LHX6: variants seen among roughly 807,000 people sequenced by gnomAD.
LHX6 encodes LIM homeobox 6, also known as LIM/homeobox protein Lhx6.
A neutral mutation model predicts 47.1 loss-of-function variants in LHX6; 15 were observed. The observed-to-expected ratio is 0.32, with a 90% confidence interval of 0.21 to 0.49. The LOEUF is 0.49. Ranked by LOEUF, LHX6 falls within the 20% of genes least tolerant of loss-of-function variation. LHX6 has a pLI of 0.99. For missense variants in LHX6, 404 were observed against 539.6 expected, an observed-to-expected ratio of 0.75 and a Z score of 2.49; for synonymous variants, 242 against 233.5, an observed-to-expected ratio of 1.04 and a Z score of -0.33.
At chr9:122,212,779 ACCATCTC>A (rs1189736135) in intron 8 of LHX6, among the ~76,000 whole-genome samples, 1 of 151,824 alleles carries the variant, frequency 6.6e-6, no homozygotes, top group East Asian at 1.9e-4. Context: ...TATCATCTCC[ACCATCTC>A]CCATGCTGGA....
rs1421147863 is a variant in LHX6, at chr9:122,213,229, A to G, written c.1054+377T>C. 6.6e-6 allele frequency among the ~76,000 whole-genome samples: 1 copy of G among 151,978 alleles called. No individual in the cohort carries two copies. ...ACCCAGCACCTTTCCTACAGGAATC[A>G]TCCCACTTAAAACGACACACTCATC... On this transcript the variant is annotated intron_variant, in intron 8 of 9. Transcript: ENST00000394319. The surrounding 1 kb of genome is among the most constrained non-coding windows in gnomAD (Gnocchi z 5.5).
rs1416999495 is a variant in LHX6, at chr9:122,226,062, G to C, written c.461+314C>G. Among the ~76,000 whole-genome samples, 5 of 152,176 alleles carry C rather than the reference G, an allele frequency of 3.3e-5. No individual in the cohort carries two copies. The highest frequency in any genetic ancestry group is 7.3e-5 in the Non-Finnish European group (5 of 68,036). On this transcript the variant is annotated intron_variant, in intron 4 of 9. Coordinates refer to ENST00000394319, the MANE Select transcript of LHX6 (RefSeq NM_014368.5). The surrounding 1 kb of genome is among the most constrained non-coding windows in gnomAD (Gnocchi z 6.5). ...GAAATGGGGACCTCAGAGCTCCACC[G>C]AGGCGCTCGAGGTCAGAACTGAAGC... is the stretch of plus-strand genomic sequence containing the variant.
chr9:122,208,677 C>CA (rs1223662944), intron 9 of LHX6, among the ~76,000 whole-genome samples: 1 of 151,490 alleles, frequency 6.6e-6, no homozygotes, highest in African/African-American at 2.4e-5. Context: ...ACTAAAAATA[C>CA]AAAAAAATTA....
chr9:122,214,135 G>A lies in LHX6; in HGVS notation c.784-66C>T. On this transcript the variant is annotated intron_variant, in intron 6 of 9. Coordinates refer to ENST00000394319, the MANE Select transcript of LHX6 (RefSeq NM_014368.5). The surrounding 1 kb of genome is among the most constrained non-coding windows in gnomAD (Gnocchi z 4.6). ...ACTCCGAGACCCCGGCCCAATCAGC[G>A]GCGCCAGTCCACAGGCCACGCCCCA... 2 of 1,494,782 alleles carry A rather than the reference G, an allele frequency of 1.3e-6. No individual in the cohort carries two copies. Among genetic ancestry groups the A allele is most frequent in the Non-Finnish European group, 1.8e-6 (2 of 1,104,348 alleles). The allele number at this position is 1,494,782 out of a possible 1,614,324, so 92.6% of individuals were successfully genotyped here.
intron 9 of LHX6, among the ~76,000 whole-genome samples, chr9:122,209,328 G>C (rs1830310246): frequency 1.3e-5 from 2 of 152,212 alleles, no homozygotes; most frequent in African/African-American, 4.8e-5. Flanking sequence ...AGCCCTCCCT[G>C]GAACTTAAAG....
Position 122,213,890 on chromosome 9 carries a change from G to A in LHX6, c.879+84C>T, listed in dbSNP as rs748557824. ...GCCTCCTGGAGAAGGATGGCCACGT[G>A]CACGCACCACCCTCCGCGCCGAGCC... On this transcript the variant is annotated intron_variant, in intron 7 of 9. Transcript: ENST00000394319. This position sits in a 1 kb window ranked among gnomAD's most constrained non-coding sequence, Gnocchi z 5.5. 16 of 1,515,718 alleles carry A rather than the reference G, an allele frequency of 1.1e-5. No homozygotes were observed. Among genetic ancestry groups the A allele is most frequent in the East Asian group, 4.7e-5 (2 of 42,474 alleles). 93.9% of individuals were successfully genotyped at this position (1,515,718 alleles called of 1,614,324 possible). A position where few individuals can be genotyped will look rare whatever the true frequency, so the allele number is the denominator to read the frequency against.
At chr9:122,225,754 T>C (rs1378870636) in intron 4 of LHX6, among the ~76,000 whole-genome samples, 1 of 152,034 alleles carries the variant, frequency 6.6e-6, no homozygotes, top group Non-Finnish European at 1.5e-5. Context: ...CGCCGGGGAA[T>C]GAGTTGAGAT....
intron 4 of LHX6, among the ~76,000 whole-genome samples, chr9:122,218,233 G>T (rs116540710): frequency 2.0e-5 from 3 of 152,064 alleles, no homozygotes; most frequent in African/African-American, 7.2e-5. Context: ...GCCTGATCCC[G>T]GGCACCAGGG....
At chr9:122,227,122 TTGA>T in intron 2 of LHX6, 92 bp from the exon 3 acceptor site, 1 of 1,213,494 alleles carries the variant, frequency 8.2e-7, no homozygotes. Context: ...CGAGCACCAA[TTGA>T]CAACGAAATC....
intron 5 of LHX6, among the ~76,000 whole-genome samples, chr9:122,215,973 G>A (rs561063782): frequency 1.3e-5 from 2 of 152,318 alleles, no homozygotes; most frequent in South Asian, 2.1e-4. Context: ...AACTAAAACA[G>A]AGGCAGCTAC....
At chr9:122,225,260 G>A (rs1831044356) in intron 4 of LHX6, among the ~76,000 whole-genome samples, 2 of 152,258 alleles carry the variant, frequency 1.3e-5, no homozygotes, top group South Asian at 2.1e-4. Context: ...TAGGGAAGCA[G>A]CTTTCTCCAC....
At position 122,204,760 on chromosome 9, in the gene LHX6, T is replaced by A; in HGVS notation, c.1179A>T (p.Ter393TyrextTer58). Residue 393 changes from the stop codon to tyrosine, a stop_lost, in exon 10 of 10, where the codon TAA becomes TAT. Coordinates refer to ENST00000394319, the MANE Select transcript of LHX6 (RefSeq NM_014368.5). ...RGEKVILFQY[*>Y] ...GGCAGATGCGGAAGTGCCGGCAGCG[T>A]TAGTACTGAAAAAGGATGACCTGCA... The A allele has an allele frequency of 6.3e-7, 1 of 1,595,592 alleles. No individual in the cohort carries two copies. Among genetic ancestry groups the A allele is most frequent in the Non-Finnish European group, 8.5e-7 (1 of 1,171,048 alleles).
At chr9:122,205,358 C>A (rs1009403320) in intron 9 of LHX6, among the ~76,000 whole-genome samples, 1 of 152,240 alleles carries the variant, frequency 6.6e-6, no homozygotes, top group African/African-American at 2.4e-5. Flanking sequence ...TTAATCTTCA[C>A]ATGCACGAAG....
At chr9:122,224,443 G>C (rs1240605727) in intron 4 of LHX6, among the ~76,000 whole-genome samples, 1 of 152,058 alleles carries the variant, frequency 6.6e-6, no homozygotes, top group Non-Finnish European at 1.5e-5. Flanking sequence ...ACAGTGAGAG[G>C]AGACATCACA....
intron 4 of LHX6, among the ~76,000 whole-genome samples, chr9:122,225,803 T>C (rs138323849): frequency 0.017 from 2,559 of 152,246 alleles, 33 homozygotes; most frequent in Non-Finnish European, 0.023. Flanking sequence ...GACGAGGCGC[T>C]TGGGTATGGG....
rs1379552700 is a variant in LHX6 at position 122,217,441 on chromosome 9, A to G, written c.462-153T>C. On this transcript the variant is annotated intron_variant, in intron 4 of 9. Coordinates refer to ENST00000394319, the MANE Select transcript of LHX6 (RefSeq NM_014368.5). The surrounding 1 kb of genome is among the most constrained non-coding windows in gnomAD (Gnocchi z 4.9). ...TAGCTTGGACGCAACAACACTCTAC[A>G]CCTAGTCCCACCTAGGAGATGAACT... Among the ~76,000 whole-genome samples, 1 of 151,858 alleles carries G rather than the reference A, an allele frequency of 6.6e-6. No homozygotes were observed. The highest frequency in any genetic ancestry group is 1.5e-5 in the Non-Finnish European group (1 of 67,972).
At position 122,228,886 on chromosome 9, in the gene LHX6, C is replaced by A. The variant is rs527309936; in HGVS notation, c.-146G>T. The A allele has an allele frequency of 5.0e-5, 19 of 382,532 alleles. No homozygotes were observed. Among genetic ancestry groups the A allele is most frequent in the African/African-American group, 3.9e-4 (18 of 46,200 alleles). The allele number at this position is 382,532 out of a possible 1,614,324, so 23.7% of individuals were successfully genotyped here. A position where few individuals can be genotyped will look rare whatever the true frequency, so the allele number is the denominator to read the frequency against. ...CGCCGCCCCGGGCCCGGCCTCAGCC[C>A]CCGCCCCCGGCCCGCGCGCAGCCCC... On this transcript the variant is annotated 5_prime_UTR_variant, in exon 1 of 10. Coordinates refer to ENST00000394319, the MANE Select transcript of LHX6 (RefSeq NM_014368.5).
chr9:122,206,298 T>C (rs1830178089), intron 9 of LHX6, among the ~76,000 whole-genome samples: 1 of 152,120 alleles, frequency 6.6e-6, no homozygotes, highest in South Asian at 2.1e-4. Flanking sequence ...GCCAGCCCCA[T>C]GGGGACACTG....
At chr9:122,220,616 G>A (rs1234353999) in intron 4 of LHX6, among the ~76,000 whole-genome samples, 2 of 152,362 alleles carry the variant, frequency 1.3e-5, no homozygotes, top group East Asian at 3.9e-4. Flanking sequence ...ATTAGGGGGT[G>A]TGTCCACTGC....
Sources: gnomAD v4.1 joint callset for allele counts (sites outside exome capture counted in the v4.1 genomes callset) on GRCh38, gnomAD v4.1.1 for gene constraint, Gnocchi (gnomAD v3.1) non-coding constraint, MANE v1.5 for transcripts, NCBI Gene and HGNC (gene_info 2026-07-23, HGNC 2026-07-21) for gene names.